Variants in NALCN observed in about 807,000 individuals in gnomAD.
NALCN encodes sodium leak channel, non-selective.
NALCN carries 111 observed loss-of-function variants against 225.3 expected under a neutral mutation model. The observed-to-expected ratio is 0.49, with a 90% CI of 0.42 to 0.58. The LOEUF is 0.58. Among genes scored for constraint, NALCN ranks in the 20% least tolerant of loss-of-function variants. The probability of loss-of-function intolerance (pLI) is 0.00; values close to 1 mark genes in which losing one functional copy is unlikely to be tolerated. For synonymous variants in NALCN, 764 were observed against 769.0 expected (o/e 0.99, Z 0.11); for missense variants, 1,378 against 2,202.4 (o/e 0.63, Z 7.49).
chr13:101,181,853 G>A (rs2039241389), intron 14 of NALCN, among the ~76,000 whole-genome samples: 1 of 152,170 alleles, frequency 6.6e-6, no homozygotes, highest in Non-Finnish European at 1.5e-5. Flanking sequence ...ATGTTTTCTA[G>A]CCGGGTGCAG....
chr13:101,092,295 AC>A (rs2034274606), intron 28 of NALCN, among the ~76,000 whole-genome samples: 1 of 152,176 alleles, frequency 6.6e-6, no homozygotes, highest in Admixed American at 6.5e-5. Flanking sequence ...ACATGGGGGC[AC>A]CCTGAAGACG....
chr13:101,258,416 C>T (rs994462863), intron 11 of NALCN, 27 bp downstream of exon 11: 1 of 1,613,048 alleles, frequency 6.2e-7, no homozygotes, highest in Non-Finnish European at 8.5e-7. Context: ...CCTTGCCCAG[C>T]GATCTGCACG....
chr13:101,139,866 C>T (rs946775945), intron 17 of NALCN, among the ~76,000 whole-genome samples: 4 of 152,100 alleles, frequency 2.6e-5, no homozygotes, highest in South Asian at 2.1e-4. Flanking sequence ...ATGCTGTCTC[C>T]GCAATTTGTG....
chr13:101,231,035 G>A (rs372495186), intron 12 of NALCN, among the ~76,000 whole-genome samples: 11 of 152,212 alleles, frequency 7.2e-5, no homozygotes, highest in Admixed American at 5.2e-4. Flanking sequence ...GTACAGGTTT[G>A]TAGCCTAGGA....
intron 6 of NALCN, among the ~76,000 whole-genome samples, chr13:101,347,562 A>G (rs1475661648): frequency 1.3e-5 from 2 of 152,188 alleles, no homozygotes; most frequent in African/African-American, 4.8e-5. Context: ...AAATACTATG[A>G]ACCTCATCAA....
rs150596579 is a variant in NALCN, at chr13:101,195,227, C to T, written c.1627-3173G>A. Among the ~76,000 whole-genome samples the T allele has an allele frequency of 9.9e-5, 15 of 152,230 alleles. No individual in the cohort carries two copies. In the South Asian group the frequency reaches 3.1e-3, roughly 32 times the overall value. ...AAGTTGTTTCTCTGAACTACCTATT[C>T]GCATGTTATTCCATTTTTCTGCCCT... On this transcript the variant is annotated intron_variant, in intron 13 of 43. Coordinates refer to ENST00000251127, the MANE Select transcript of NALCN (RefSeq NM_052867.4).
intron 6 of NALCN, chr13:101,373,114 T>A (rs1411439317): frequency 2.6e-6 from 1 of 380,592 alleles, no homozygotes; most frequent in South Asian, 2.1e-5. Flanking sequence ...AAGCAAAATT[T>A]ACCAACTTAA....
At chr13:101,369,176 G>A (rs796961882) in intron 6 of NALCN, among the ~76,000 whole-genome samples, 1 of 150,656 alleles carries the variant, frequency 6.6e-6, no homozygotes, top group Non-Finnish European at 1.5e-5. Context: ...ATGTGTGTGT[G>A]TGTGTGTGTG....
At chr13:101,162,256 C>A (rs1260860559) in intron 15 of NALCN, among the ~76,000 whole-genome samples, 1 of 152,212 alleles carries the variant, frequency 6.6e-6, no homozygotes, top group Non-Finnish European at 1.5e-5. Flanking sequence ...ACATCCAACT[C>A]CCCTATTAGA....
At chr13:101,157,061 T>A (rs1460288556) in intron 15 of NALCN, among the ~76,000 whole-genome samples, 1 of 152,204 alleles carries the variant, frequency 6.6e-6, no homozygotes, top group Non-Finnish European at 1.5e-5. Flanking sequence ...GAAAATAACA[T>A]GTATATACTG....
intron 6 of NALCN, among the ~76,000 whole-genome samples, chr13:101,359,185 AAAGT>A (rs1292100291): frequency 6.6e-6 from 1 of 152,226 alleles, no homozygotes; most frequent in East Asian, 1.9e-4. Context: ...CCCACAACTT[AAAGT>A]AAAAATTTTT....
At chr13:101,075,731 A>G in intron 35 of NALCN, 142 bp downstream of exon 35, 4 of 530,936 alleles carry the variant, frequency 7.5e-6, no homozygotes, top group Non-Finnish European at 1.3e-5. Context: ...AATGTTTAAT[A>G]TTTGTTAATC....
In NALCN at chr13:101,126,679, G is replaced by T. The variant is rs568119309; in HGVS notation, c.2119-1998C>A. On this transcript the variant is annotated intron_variant, in intron 17 of 43. Transcript: ENST00000251127. ...GACTGATTTTTGTATTTTTAGTAGA[G>T]ATGGGGTTTCACCATATTGGCCAGG... Among the ~76,000 whole-genome samples the T allele has an allele frequency of 1.1e-4, 17 of 152,168 alleles. No homozygotes were observed. The South Asian group carries it at 3.5e-3, about 32-fold the overall frequency.
intron 13 of NALCN, among the ~76,000 whole-genome samples, chr13:101,223,867 C>T (rs2041038964): frequency 6.6e-6 from 1 of 152,156 alleles, no homozygotes; most frequent in South Asian, 2.1e-4. Flanking sequence ...TACATACCAT[C>T]TGCCATTTCA....
chr13:101,067,658 G>T (rs1157575339), intron 39 of NALCN, among the ~76,000 whole-genome samples: 1 of 152,158 alleles, frequency 6.6e-6, no homozygotes, highest in African/African-American at 2.4e-5. Flanking sequence ...GATTCCTACA[G>T]AGTCCCTTTG....
chr13:101,335,185 C>T (rs903643136), intron 7 of NALCN, among the ~76,000 whole-genome samples: 1 of 152,152 alleles, frequency 6.6e-6, no homozygotes, highest in Non-Finnish European at 1.5e-5. Context: ...ATCCATTCAA[C>T]AAGAACTCCT....
At chr13:101,121,688 A>G (rs995063856) in intron 18 of NALCN, among the ~76,000 whole-genome samples, 23 of 152,222 alleles carry the variant, frequency 1.5e-4, no homozygotes, top group Admixed American at 9.8e-4. Flanking sequence ...CTATTAAAAG[A>G]CAGAATCTGC....
chr13:101,281,485 T>C (rs572951611), intron 10 of NALCN, among the ~76,000 whole-genome samples: 2 of 152,332 alleles, frequency 1.3e-5, no homozygotes, highest in African/African-American at 2.4e-5. Flanking sequence ...TTTGTCATTA[T>C]TGTTATTACT....
intron 7 of NALCN, among the ~76,000 whole-genome samples, chr13:101,304,361 T>C (rs1197981814): frequency 2.0e-5 from 3 of 152,302 alleles, no homozygotes; most frequent in South Asian, 2.1e-4. Flanking sequence ...GCTGCACCTA[T>C]TGACCCATCA....
Sources: allele counts gnomAD v4.1 joint callset (sites outside exome capture counted in the v4.1 genomes callset), GRCh38; gene constraint gnomAD v4.1.1; transcripts MANE v1.5; gene names NCBI Gene and HGNC (gene_info 2026-07-23, HGNC 2026-07-21).